Variants in MLLT10 observed in about 807,000 individuals in gnomAD.
MLLT10 encodes the protein protein AF-10.
In MLLT10, 30 loss-of-function variants were observed where a neutral mutation model predicts 129.1. That is an observed-to-expected ratio of 0.23 (90% confidence interval 0.17 to 0.32). The LOEUF (loss-of-function observed/expected upper bound fraction) is 0.32, where lower values mean the gene tolerates loss of function less well. Ranked by LOEUF, MLLT10 falls within the 10% of genes least tolerant of loss-of-function variation. The pLI is 1.00. For synonymous variants in MLLT10, 490 were observed against 446.4 expected (o/e 1.10, Z -1.23); for missense variants, 1,119 against 1,268.3 (o/e 0.88, Z 1.79).
At chr10:21,571,910 T>C (rs1386890564) in intron 3 of MLLT10, 1 of 152,276 alleles carries the variant, frequency 6.6e-6, no homozygotes, top group African/African-American at 2.4e-5. Context: ...ATTTTAACTG[T>C]ACCTTTTGAT....
intron 8 of MLLT10, chr10:21,626,009 C>G (rs2046394291): frequency 8.9e-7 from 1 of 1,117,636 alleles, no homozygotes; most frequent in African/African-American, 1.5e-5. Context: ...ACCATACTTC[C>G]TCTGTCCTGT....
Position 21,742,879 on chromosome 10 carries a change from T to TC in MLLT10, c.*898dup, listed in dbSNP as rs1459937539. ...CCGTCACCTGCAGCCTTCCCATGCT[T>TC]CCGCCTTTATTCAGAACTTTCTGTG... On this transcript the variant is annotated 3_prime_UTR_variant, in exon 23 of 23. Coordinates refer to ENST00000307729, the MANE Select transcript of MLLT10 (RefSeq NM_001195626.3). 2 of 228,872 alleles carry TC rather than the reference T, an allele frequency of 8.7e-6. No individual in the cohort carries two copies. The highest frequency in any genetic ancestry group is 1.8e-4 in the South Asian group (1 of 5,494). 14.2% of individuals were successfully genotyped at this position (228,872 alleles called of 1,614,324 possible).
intron 21 of MLLT10, among the ~76,000 whole-genome samples, chr10:21,738,801 C>A (rs1227678679): frequency 5.9e-5 from 9 of 152,078 alleles, no homozygotes; most frequent in Non-Finnish European, 4.4e-5. Context: ...CTGGTCATTC[C>A]TTTTTAGCAT....
intron 9 of MLLT10, among the ~76,000 whole-genome samples, 185 bp downstream of exon 9, chr10:21,651,953 C>T (rs926030092): frequency 7.4e-6 from 1 of 135,034 alleles, no homozygotes; most frequent in Non-Finnish European, 1.6e-5. Context: ...CGCTCTGTCA[C>T]CCAGGCTGGA....
At chr10:21,536,743 T>A (rs2034093371) in intron 2 of MLLT10, among the ~76,000 whole-genome samples, 2 of 152,058 alleles carry the variant, frequency 1.3e-5, no homozygotes, top group Non-Finnish European at 2.9e-5. Context: ...AATTTTGTAT[T>A]TTTGGTAGAG....
Position 21,740,245 on chromosome 10 carries a change from A to G in MLLT10, c.3162+9A>G. On this transcript the variant is annotated intron_variant, in intron 22 of 22. Transcript: ENST00000307729. The stretch of plus-strand genomic sequence containing the variant: ...CAAGTCAGAAAGTAGCAGTAAGTAT[A>G]TTTTCCTTACTACATCTAATGAAAC... The G allele has an allele frequency of 6.2e-7, 1 of 1,612,294 alleles. No homozygotes were observed. Among genetic ancestry groups the G allele is most frequent in the Non-Finnish European group, 8.5e-7 (1 of 1,178,338 alleles).
chr10:21,693,882 A>C (rs2054115895), intron 13 of MLLT10, among the ~76,000 whole-genome samples: 1 of 152,096 alleles, frequency 6.6e-6, no homozygotes, highest in South Asian at 2.1e-4. Flanking sequence ...AGCTGTGTTT[A>C]ATTTATTGTT....
At chr10:21,660,615 CAAA>C (rs55685640) in intron 9 of MLLT10, among the ~76,000 whole-genome samples, 41 of 41,820 alleles carry the variant, frequency 9.8e-4, no homozygotes, top group African/African-American at 3.5e-3. Flanking sequence ...GACTCCATCT[CAAA>C]AAAAAAAAAA....
intron 3 of MLLT10, among the ~76,000 whole-genome samples, chr10:21,582,264 C>T (rs2041543182): frequency 2.6e-5 from 4 of 152,084 alleles, no homozygotes; most frequent in South Asian, 4.2e-4. Flanking sequence ...ACTGCAGGCA[C>T]GTGCCACCAC....
chr10:21,550,503 C>G (rs2036827316), intron 3 of MLLT10, among the ~76,000 whole-genome samples: 1 of 152,132 alleles, frequency 6.6e-6, no homozygotes, highest in South Asian at 2.1e-4. Context: ...CGTTAACTGC[C>G]CCAGCTTCAA....
At chr10:21,617,307 A>C in intron 8 of MLLT10, 100 bp downstream of exon 8, 1 of 449,166 alleles carries the variant, frequency 2.2e-6, no homozygotes, top group Non-Finnish European at 3.9e-6. Context: ...TTAAATGGAG[A>C]CATTGAAATA....
In MLLT10 at chr10:21,732,972, G is replaced by T. The variant is rs1251409931; in HGVS notation, c.2292G>T (p.Leu764Phe). 1 of 1,613,830 alleles carries T rather than the reference G, an allele frequency of 6.2e-7. No homozygotes were observed. The highest frequency in any genetic ancestry group is 8.5e-7 in the Non-Finnish European group (1 of 1,179,972). Residue 764 changes from leucine (L) to phenylalanine (F), a missense_variant, in exon 18 of 23, where the codon TTG (leucine) becomes TTT (phenylalanine). Transcript: ENST00000307729. ...NRRLEEQIKN[L>F]TAKKERLQLL... Reference sequence around the variant, plus strand: ...GATTAGAGGAACAAATTAAAAACTTGACTGCCAAAAAGGAACGGCTTCAGT... The same window carrying T: ...GATTAGAGGAACAAATTAAAAACTTTACTGCCAAAAAGGAACGGCTTCAGT...
chr10:21,725,307 T>A (rs1178002331), intron 14 of MLLT10, among the ~76,000 whole-genome samples: 1 of 152,218 alleles, frequency 6.6e-6, no homozygotes, highest in Non-Finnish European at 1.5e-5. Context: ...TTAATAAGAT[T>A]AATTAGTCTC....
At chr10:21,555,135 C>G (rs1285826827) in intron 3 of MLLT10, among the ~76,000 whole-genome samples, 1 of 151,466 alleles carries the variant, frequency 6.6e-6, no homozygotes, top group East Asian at 2.0e-4. Flanking sequence ...TTTTTAATTT[C>G]TAAGGACTCT....
chr10:21,671,923 A>G (rs2051455213), intron 10 of MLLT10, among the ~76,000 whole-genome samples: 1 of 152,154 alleles, frequency 6.6e-6, no homozygotes, highest in Non-Finnish European at 1.5e-5. Context: ...ACTGCACTCC[A>G]GCCTAGGCGA....
chr10:21,600,728 T>TA (rs952429794), intron 5 of MLLT10, among the ~76,000 whole-genome samples: 2 of 152,174 alleles, frequency 1.3e-5, no homozygotes, highest in Admixed American at 6.5e-5. Flanking sequence ...GTTCTGGCTG[T>TA]AAAAAAATTC....
intron 13 of MLLT10, among the ~76,000 whole-genome samples, chr10:21,697,219 G>T (rs1477535517): frequency 6.6e-6 from 1 of 151,776 alleles, no homozygotes; most frequent in African/African-American, 2.4e-5. Flanking sequence ...GTAATCCCAG[G>T]ACTTTGAGAG....
At chr10:21,615,872 A>G (rs2131207553) in intron 7 of MLLT10, among the ~76,000 whole-genome samples, 1 of 152,306 alleles carries the variant, frequency 6.6e-6, no homozygotes, top group East Asian at 1.9e-4. Flanking sequence ...TTGAAGGGTC[A>G]GTATGCCTGA....
Position 21,595,316 on chromosome 10 carries a change from T to C in MLLT10, c.296-15T>C. 6.3e-7 allele frequency: 1 copy of C among 1,592,152 alleles called. No homozygotes were observed. On this transcript the variant is annotated splice_polypyrimidine_tract_variant and intron_variant, in intron 4 of 22. Transcript: ENST00000307729. ...GATAAAACTGAAAAGATGACATTTA[T>C]TTATTTATTTTTAGGTTGGGCCCAT... is the stretch of plus-strand genomic sequence containing the variant.
Sources: allele counts gnomAD v4.1 joint callset (sites outside exome capture counted in the v4.1 genomes callset), GRCh38; gene constraint gnomAD v4.1.1; transcripts MANE v1.5; gene names NCBI Gene and HGNC (gene_info 2026-07-23, HGNC 2026-07-21).